SLC6A13: variants seen among roughly 807,000 people sequenced by gnomAD.
SLC6A13 encodes the protein solute carrier family 6 member 13.
SLC6A13 carries 69 observed loss-of-function variants against 72.9 expected under a neutral mutation model. The ratio of observed to expected loss-of-function variants is 0.95; its 90% CI spans 0.78 to 1.16. The LOEUF (loss-of-function observed/expected upper bound fraction) is 1.16. Ranked by LOEUF, SLC6A13 falls within the 50% of genes most tolerant of loss-of-function variation. The probability of loss-of-function intolerance (pLI) is 0.00; values close to 1 mark genes in which losing one functional copy is unlikely to be tolerated. For synonymous variants in SLC6A13, 303 were observed against 303.0 expected (o/e 1.00, Z 0.00); for missense variants, 735 against 760.5 (o/e 0.97, Z 0.39).
At chr12:234,546 C>T (rs555824716) in intron 7 of SLC6A13, among the ~76,000 whole-genome samples, 3 of 152,008 alleles carry the variant, frequency 2.0e-5, no homozygotes, top group Non-Finnish European at 4.4e-5. Flanking sequence ...GAGACAGAGT[C>T]TCACTCTGTT....
intron 7 of SLC6A13, among the ~76,000 whole-genome samples, chr12:228,712 C>T (rs898049650): frequency 6.6e-5 from 10 of 152,186 alleles, no homozygotes; most frequent in African/African-American, 1.7e-4. Flanking sequence ...CCTCCTTTCA[C>T]GCTCACCCCT....
In SLC6A13 at chr12:220,669, G is replaced by T. The variant is rs1263329725; in HGVS notation, c.*279C>A. 1 of 413,206 alleles carries T rather than the reference G, an allele frequency of 2.4e-6. No individual in the cohort carries two copies. Among genetic ancestry groups the T allele is most frequent in the African/African-American group, 2.1e-5 (1 of 47,746 alleles). 25.6% of individuals were successfully genotyped at this position (413,206 alleles called of 1,614,324 possible). A position where few individuals can be genotyped will look rare whatever the true frequency, so the allele number is the denominator to read the frequency against. ...AATGGAATGAAGGATGAGAGGGCCC[G>T]AAGCCAGCAAGTCTCGCCCCACCTA... On this transcript the variant is annotated 3_prime_UTR_variant, in exon 15 of 15. Coordinates refer to ENST00000343164, the MANE Select transcript of SLC6A13 (RefSeq NM_016615.5).
chr12:224,546 G>A (rs776973470), intron 9 of SLC6A13, 33 bp from the exon 10 acceptor site: 230 of 1,558,106 alleles, frequency 1.5e-4, no homozygotes, highest in Non-Finnish European at 2.0e-4. Context: ...ACGGGCCAGT[G>A]CCCGGGCCAG....
At chr12:244,822 A>G (rs1942291720) in intron 2 of SLC6A13, among the ~76,000 whole-genome samples, 1 of 152,208 alleles carries the variant, frequency 6.6e-6, no homozygotes. Flanking sequence ...GGACTTCCCA[A>G]CCTCCAAAAC....
At chr12:245,189 C>G (rs968084890) in intron 2 of SLC6A13, among the ~76,000 whole-genome samples, 3 of 152,204 alleles carry the variant, frequency 2.0e-5, no homozygotes, top group African/African-American at 7.2e-5. Context: ...TAATGGTGCT[C>G]ACACACTGCC....
chr12:236,940 G>A, intron 6 of SLC6A13: 1 of 504,774 alleles, frequency 2.0e-6, no homozygotes, highest in Non-Finnish European at 3.5e-6. Context: ...TACCCTGGAG[G>A]TGTCCTTCCT....
chr12:251,104 T>C (rs1391329764), intron 2 of SLC6A13, among the ~76,000 whole-genome samples: 1 of 148,868 alleles, frequency 6.7e-6, no homozygotes, highest in African/African-American at 2.5e-5. Context: ...TGCAATGAGC[T>C]GAGATCGCGC....
At chr12:224,855 T>C (rs914387706) in intron 9 of SLC6A13, among the ~76,000 whole-genome samples, 2 of 152,174 alleles carry the variant, frequency 1.3e-5, no homozygotes, top group African/African-American at 2.4e-5. Context: ...CAGCAGGCCA[T>C]AGAAGTTTGT....
At chr12:239,591 T>C (rs1337326309) in intron 4 of SLC6A13, among the ~76,000 whole-genome samples, 2 of 152,266 alleles carry the variant, frequency 1.3e-5, no homozygotes, top group Non-Finnish European at 2.9e-5. Flanking sequence ...ACACGACATG[T>C]GCTGCTGCTT....
intron 2 of SLC6A13, among the ~76,000 whole-genome samples, chr12:257,864 C>G (rs941262567): frequency 6.6e-6 from 1 of 152,212 alleles, no homozygotes; most frequent in African/African-American, 2.4e-5. Flanking sequence ...GCCATTCCTG[C>G]TAATTCCCAG....
intron 2 of SLC6A13, among the ~76,000 whole-genome samples, chr12:246,717 G>T (rs1363311643): frequency 1.3e-5 from 2 of 151,976 alleles, no homozygotes; most frequent in Non-Finnish European, 2.9e-5. Context: ...AGAGAAAAAA[G>T]AACATTTTTG....
At chr12:248,069 T>C (rs932594528) in intron 2 of SLC6A13, among the ~76,000 whole-genome samples, 1 of 150,866 alleles carries the variant, frequency 6.6e-6, no homozygotes, top group Non-Finnish European at 1.5e-5. Context: ...AAATAACTGA[T>C]AGGACAAAGA....
At chr12:262,304 T>A (rs976629948) in intron 1 of SLC6A13, among the ~76,000 whole-genome samples, 2 of 152,236 alleles carry the variant, frequency 1.3e-5, no homozygotes, top group South Asian at 4.1e-4. Flanking sequence ...CATACCAATG[T>A]CTGACTTCAG....
chr12:249,958 A>G (rs1942478887), intron 2 of SLC6A13, among the ~76,000 whole-genome samples: 1 of 152,212 alleles, frequency 6.6e-6, no homozygotes, highest in Non-Finnish European at 1.5e-5. Flanking sequence ...TTAAAAAATC[A>G]ACATAGTGTT....
intron 7 of SLC6A13, among the ~76,000 whole-genome samples, chr12:228,796 C>T (rs919009515): frequency 9.9e-5 from 15 of 152,178 alleles, no homozygotes; most frequent in African/African-American, 2.2e-4. Context: ...CTCAGAATCA[C>T]GCTGATTCCT....
At chr12:249,372 G>C (rs990884358) in intron 2 of SLC6A13, among the ~76,000 whole-genome samples, 13 of 152,134 alleles carry the variant, frequency 8.5e-5, no homozygotes, top group Admixed American at 2.0e-4. Flanking sequence ...ACCAAAAGCT[G>C]GTTCTTTGAG....
intron 2 of SLC6A13, among the ~76,000 whole-genome samples, chr12:251,134 C>T (rs1275664550): frequency 7.2e-6 from 1 of 138,232 alleles, no homozygotes; most frequent in African/African-American, 2.8e-5. Context: ...CCAGCCTGGG[C>T]AACAGAGCAA....
chr12:242,417 A>AT (rs769407402), intron 4 of SLC6A13, among the ~76,000 whole-genome samples, 197 bp downstream of exon 4: 111 of 152,346 alleles, frequency 7.3e-4, no homozygotes, highest in Non-Finnish European at 8.8e-4. Context: ...GAATATGTTA[A>AT]TTTTTTCTTT....
At chr12:246,669 C>G (rs1335093005) in intron 2 of SLC6A13, among the ~76,000 whole-genome samples, 1 of 152,034 alleles carries the variant, frequency 6.6e-6, no homozygotes, top group African/African-American at 2.4e-5. Context: ...GATCAGTGAC[C>G]TTGAACCATA....
Sources: allele counts gnomAD v4.1 joint callset (sites outside exome capture counted in the v4.1 genomes callset), GRCh38; gene constraint gnomAD v4.1.1; transcripts MANE v1.5; gene names NCBI Gene and HGNC (gene_info 2026-07-23, HGNC 2026-07-21).